CSMD1: variants seen among roughly 807,000 people sequenced by gnomAD.
The protein encoded by CSMD1 is CUB and Sushi multiple domains 1.
In CSMD1, 213 loss-of-function variants were observed where a neutral mutation model predicts 417.5. That is an observed-to-expected ratio of 0.51 (90% CI 0.46 to 0.57). The LOEUF is 0.57. Among genes scored for constraint, CSMD1 ranks in the 20% least tolerant of loss-of-function variants. The pLI is 0.00. For missense variants in CSMD1, 6,923 were observed against 4,529.7 expected, an observed-to-expected ratio of 1.53 and a Z score of -15.17; for synonymous variants, 2,862 against 1,736.8, an observed-to-expected ratio of 1.65 and a Z score of -16.11.
chr8:3,911,517 G>A (rs1400450013), intron 5 of CSMD1, among the ~76,000 whole-genome samples: 3 of 139,210 alleles, frequency 2.2e-5, no homozygotes, highest in Admixed American at 7.3e-5. Context: ...AACAGAGCAA[G>A]ACTCCGTCTC....
In CSMD1 at chr8:3,662,952, C is replaced by G. The variant is rs1563247360; in HGVS notation, c.1009+45462G>C. Among the ~76,000 whole-genome samples the G allele has an allele frequency of 2.0e-5, 3 of 151,990 alleles. 1 individual carries two copies. The highest frequency in any genetic ancestry group is 4.4e-5 in the Non-Finnish European group (3 of 67,994). On this transcript the variant is annotated intron_variant, in intron 7 of 69. Coordinates refer to ENST00000635120, the MANE Select transcript of CSMD1 (RefSeq NM_033225.6). Reference sequence around the variant, plus strand: ...GCAAACCACCATGGCACATGTGTTCCTATGTAACAAACCTGCAGGTTCTGC... The same window carrying G: ...GCAAACCACCATGGCACATGTGTTCGTATGTAACAAACCTGCAGGTTCTGC...
chr8:3,563,401 A>G (rs1799557006), intron 10 of CSMD1, among the ~76,000 whole-genome samples: 1 of 148,240 alleles, frequency 6.7e-6, no homozygotes, highest in Non-Finnish European at 1.5e-5. Context: ...AAAATTGTAA[A>G]AAAAAGTTCA....
chr8:4,188,937 T>C (rs1267100161), intron 3 of CSMD1, among the ~76,000 whole-genome samples: 2 of 152,088 alleles, frequency 1.3e-5, no homozygotes, highest in Non-Finnish European at 2.9e-5. Context: ...CCCTCCATGG[T>C]TTACTCAGAT....
chr8:4,969,182 G>T (rs559133835), intron 1 of CSMD1, among the ~76,000 whole-genome samples: 3 of 152,214 alleles, frequency 2.0e-5, no homozygotes, highest in African/African-American at 7.2e-5. Flanking sequence ...GTGTGTGCGT[G>T]TGTGTTGGTC....
intron 3 of CSMD1, among the ~76,000 whole-genome samples, chr8:4,244,635 T>C (rs1802593893): frequency 6.6e-6 from 1 of 152,176 alleles, no homozygotes; most frequent in African/African-American, 2.4e-5. Context: ...GACAAATTTC[T>C]TCAAAACTGA....
At chr8:4,379,176 A>G (rs1055717430) in intron 3 of CSMD1, among the ~76,000 whole-genome samples, 1 of 152,206 alleles carries the variant, frequency 6.6e-6, no homozygotes, top group African/African-American at 2.4e-5. Context: ...TGGCTGATTT[A>G]TTCTGTAGTA....
At chr8:3,974,003 T>C (rs938874844) in intron 5 of CSMD1, among the ~76,000 whole-genome samples, 1 of 152,220 alleles carries the variant, frequency 6.6e-6, no homozygotes. Context: ...ACAATGCAAT[T>C]ACACTCTTTA....
At chr8:4,474,793 C>T (rs1402741511) in intron 2 of CSMD1, among the ~76,000 whole-genome samples, 1 of 152,130 alleles carries the variant, frequency 6.6e-6, no homozygotes, top group Non-Finnish European at 1.5e-5. Context: ...AGCATGAAGA[C>T]CATGAGGAGG....
At chr8:4,392,243 G>C (rs941161199) in intron 3 of CSMD1, among the ~76,000 whole-genome samples, 2 of 152,106 alleles carry the variant, frequency 1.3e-5, no homozygotes, top group Non-Finnish European at 2.9e-5. Context: ...TTACTTGTGA[G>C]GATATAAACT....
chr8:4,722,044 G>C (rs918651190), intron 1 of CSMD1, among the ~76,000 whole-genome samples: 1 of 152,158 alleles, frequency 6.6e-6, no homozygotes, highest in Admixed American at 6.6e-5. Context: ...TCAGTCCAAA[G>C]TATGAAGTTG....
At chr8:4,111,564 A>G (rs1229218318) in intron 3 of CSMD1, among the ~76,000 whole-genome samples, 1 of 152,228 alleles carries the variant, frequency 6.6e-6, no homozygotes, top group East Asian at 1.9e-4. Flanking sequence ...TGCAGTTCAC[A>G]TACACCATGG....
intron 3 of CSMD1, among the ~76,000 whole-genome samples, chr8:4,391,502 A>T (rs1410647181): frequency 6.6e-6 from 1 of 152,114 alleles, no homozygotes; most frequent in African/African-American, 2.4e-5. Context: ...CTCTGCTGTG[A>T]CCAGTGCAGG....
intron 7 of CSMD1, among the ~76,000 whole-genome samples, chr8:3,620,434 T>A (rs1802368166): frequency 6.6e-6 from 1 of 152,144 alleles, no homozygotes; most frequent in African/African-American, 2.4e-5. Flanking sequence ...TTTCCTACAG[T>A]ATTTAAAGAT....
At chr8:3,682,420 A>C (rs1799712990) in intron 7 of CSMD1, among the ~76,000 whole-genome samples, 1 of 152,216 alleles carries the variant, frequency 6.6e-6, no homozygotes, top group Non-Finnish European at 1.5e-5. Flanking sequence ...ACCTTTATGC[A>C]GCCAACAGAC....
chr8:4,101,246 C>G (rs922708141), intron 3 of CSMD1, among the ~76,000 whole-genome samples: 3 of 151,982 alleles, frequency 2.0e-5, no homozygotes, highest in South Asian at 4.1e-4. Flanking sequence ...TGTTTCTCCC[C>G]TGAGGTTAAC....
chr8:3,018,919 C>A lies in CSMD1; in HGVS notation c.7856-269G>T, dbSNP rs553298796. ...CTAGATTCCTCCAATTACCCATTAA[C>A]TTTTGTTGTTGTTGTTGGCATGGAG... On this transcript the variant is annotated intron_variant, in intron 51 of 69. Transcript: ENST00000635120. Among the ~76,000 whole-genome samples the A allele has an allele frequency of 3.3e-5, 5 of 152,120 alleles. No individual in the cohort carries two copies. The South Asian group carries it at 6.2e-4, about 19-fold the overall frequency.
chr8:4,866,104 G>T (rs7826749), intron 1 of CSMD1, among the ~76,000 whole-genome samples: 13,714 of 151,830 alleles, frequency 0.09, 1,676 homozygotes, highest in African/African-American at 0.27. Context: ...TAATCCAACT[G>T]CACTACTAAT....
chr8:4,725,183 C>G (rs1274190556), intron 1 of CSMD1, among the ~76,000 whole-genome samples: 1 of 152,004 alleles, frequency 6.6e-6, no homozygotes, highest in Non-Finnish European at 1.5e-5. Context: ...CAATAAAAGT[C>G]AGAGAATAAA....
rs571532123 is a variant in CSMD1, at chr8:4,286,534, C to G, written c.415+133419G>C. Among the ~76,000 whole-genome samples the G allele has an allele frequency of 5.9e-5, 9 of 152,160 alleles. 1 individual carries two copies. In the South Asian group the frequency reaches 1.9e-3, roughly 32 times the overall value. ...AGACACTCTTCTGAGATAATATGGT[C>G]TCATCATTAAGAACATGGGCATGAT... On this transcript the variant is annotated intron_variant, in intron 3 of 69. Transcript: ENST00000635120.
Sources: gnomAD v4.1 joint callset for allele counts (sites outside exome capture counted in the v4.1 genomes callset) on GRCh38, gnomAD v4.1.1 for gene constraint, MANE v1.5 for transcripts, NCBI Gene and HGNC (gene_info 2026-07-23, HGNC 2026-07-21) for gene names.